Variants in ZC3HAV1 observed in about 807,000 individuals in gnomAD.
The protein encoded by ZC3HAV1 is zinc finger CCCH-type antiviral protein 1.
Under a neutral mutation model 86.6 loss-of-function variants are expected in ZC3HAV1, and 41 were observed. The ratio of observed to expected loss-of-function variants is 0.47; its 90% confidence interval spans 0.37 to 0.61. ZC3HAV1 has a LOEUF of 0.61. Among genes scored for constraint, ZC3HAV1 ranks in the 20% least tolerant of loss-of-function variants. ZC3HAV1 has a pLI of 0.00. For missense variants in ZC3HAV1, 964 were observed against 1,141.1 expected, an observed-to-expected ratio of 0.84 and a Z score of 2.24; for synonymous variants, 421 against 432.1, an observed-to-expected ratio of 0.97 and a Z score of 0.32.
At chr7:139,090,093 G>T (rs2130720062) in intron 1 of ZC3HAV1, among the ~76,000 whole-genome samples, 1 of 151,652 alleles carries the variant, frequency 6.6e-6, no homozygotes, top group East Asian at 1.9e-4. Flanking sequence ...CTAATTTTTT[G>T]TATTTTTAGT....
At chr7:139,090,234 T>C (rs978217543) in intron 1 of ZC3HAV1, among the ~76,000 whole-genome samples, 1 of 152,150 alleles carries the variant, frequency 6.6e-6, no homozygotes. Flanking sequence ...TGTTAACATT[T>C]TAAATATACT....
At chr7:139,058,666 G>C (rs1563125357) in intron 9 of ZC3HAV1, among the ~76,000 whole-genome samples, 1 of 152,200 alleles carries the variant, frequency 6.6e-6, no homozygotes, top group Non-Finnish European at 1.5e-5. Flanking sequence ...GTATGGGAAA[G>C]TGGCATTCCA....
At position 139,055,245 on chromosome 7, in the gene ZC3HAV1, G is replaced by T; in HGVS notation, c.2147C>A (p.Pro716His). The T allele has an allele frequency of 6.2e-7, 1 of 1,613,284 alleles. No individual in the cohort carries two copies. Among genetic ancestry groups the T allele is most frequent in the Non-Finnish European group, 8.5e-7 (1 of 1,179,546 alleles). Residue 716 changes from proline to histidine, a missense_variant, in exon 10 of 13, where the codon CCT becomes CAT. By Grantham distance (77) the Pro-to-His change is moderately conservative. Transcript: ENST00000242351. ...GGATAGGAAGCAAAAGTCCTCCTGAGGACGAAAGGTCGCAGTTAAAGACAC... is the reference window on the plus strand; with the variant it reads ...GGATAGGAAGCAAAAGTCCTCCTGATGACGAAAGGTCGCAGTTAAAGACAC... ...SSVSLTATFR[P>H]QEDFCFLSSK...
intron 7 of ZC3HAV1, among the ~76,000 whole-genome samples, chr7:139,066,856 T>C (rs868093098): frequency 6.6e-6 from 1 of 152,182 alleles, no homozygotes; most frequent in Non-Finnish European, 1.5e-5. Flanking sequence ...ACTCTGTTCC[T>C]GGCTTAAAAG....
At chr7:139,092,847 C>G (rs1007541292) in intron 1 of ZC3HAV1, among the ~76,000 whole-genome samples, 1 of 152,228 alleles carries the variant, frequency 6.6e-6, no homozygotes, top group African/African-American at 2.4e-5. Context: ...ACCCTGAACC[C>G]AGTCTCAACC....
intron 1 of ZC3HAV1, among the ~76,000 whole-genome samples, chr7:139,102,419 T>C (rs972747112): frequency 3.9e-5 from 6 of 152,204 alleles, no homozygotes; most frequent in African/African-American, 7.2e-5. Flanking sequence ...TATTAGCTAC[T>C]GAGGCCAGTC....
chr7:139,106,887 T>A (rs923846929), intron 1 of ZC3HAV1, among the ~76,000 whole-genome samples: 11 of 126,064 alleles, frequency 8.7e-5, no homozygotes, highest in Non-Finnish European at 2.0e-4. Flanking sequence ...ACATGGGGAA[T>A]AGGGAGAATA....
intron 7 of ZC3HAV1, among the ~76,000 whole-genome samples, chr7:139,071,308 G>T (rs1005113265): frequency 6.6e-6 from 1 of 151,842 alleles, no homozygotes; most frequent in African/African-American, 2.4e-5. Context: ...CACCATGTTG[G>T]CCAGGCTGGT....
intron 6 of ZC3HAV1, among the ~76,000 whole-genome samples, chr7:139,075,459 G>GTC (rs1406085272): frequency 6.6e-6 from 1 of 152,122 alleles, no homozygotes; most frequent in Non-Finnish European, 1.5e-5. Flanking sequence ...TTGAGACAGG[G>GTC]TCTCACTCTG....
At position 139,109,014 on chromosome 7, in the gene ZC3HAV1, G is replaced by C. The variant is rs773005704; in HGVS notation, c.308+10C>G. 11 of 1,541,756 alleles carry C rather than the reference G, an allele frequency of 7.1e-6. No individual in the cohort carries two copies. In the South Asian group the frequency reaches 1.3e-4, roughly 19 times the overall value. Reference sequence around the variant, plus strand: ...CTGCGGACAGCGCCCCTCCCTCCGGGTGCACTCACCGCTCGGACTGCGAAT... The same window carrying C: ...CTGCGGACAGCGCCCCTCCCTCCGGCTGCACTCACCGCTCGGACTGCGAAT... On this transcript the variant is annotated intron_variant, in intron 1 of 12. Coordinates refer to ENST00000242351, the MANE Select transcript of ZC3HAV1 (RefSeq NM_020119.4).
chr7:139,080,305 T>G, intron 3 of ZC3HAV1, 62 bp from the exon 4 acceptor site: 1 of 1,589,048 alleles, frequency 6.3e-7, no homozygotes. Flanking sequence ...TGTGACTGAG[T>G]TCCTACCACC....
chr7:139,075,732 G>A (rs566716492), intron 6 of ZC3HAV1, among the ~76,000 whole-genome samples: 8 of 147,560 alleles, frequency 5.4e-5, no homozygotes, highest in African/African-American at 1.2e-4. Context: ...GAGCAACCAC[G>A]CTCGGCCAGA....
In ZC3HAV1 at chr7:139,064,897, A is replaced by G; in HGVS notation, c.1975T>C (p.Tyr659His). The G allele has an allele frequency of 6.2e-7, 1 of 1,614,212 alleles. No homozygotes were observed. The highest frequency in any genetic ancestry group is 8.5e-7 in the Non-Finnish European group (1 of 1,180,028). Residue 659 changes from tyrosine to histidine, a missense_variant, in exon 8 of 13, where the codon TAT (tyrosine) becomes CAT (histidine). Transcript: ENST00000242351. Reference sequence around the variant, plus strand: ...AACCCACCTTGGAAACTCAGCTCATAGTTCCGTGAGCCCGCCTGAAATGGC... The same window carrying G: ...AACCCACCTTGGAAACTCAGCTCATGGTTCCGTGAGCCCGCCTGAAATGGC... ...VVPFQAGSRN[Y>H]ELSFQGMIQT... is the part of the protein sequence containing the mutation.
intron 2 of ZC3HAV1, among the ~76,000 whole-genome samples, chr7:139,089,101 CAAAAAAAAAAAAAAAA>C (rs1195760878): frequency 4.8e-5 from 1 of 20,684 alleles, no homozygotes; most frequent in Non-Finnish European, 9.2e-5. Context: ...GACTCCATCT[CAAAAAAAAAAAAAAAA>C]AAAAAAAAAA....
intron 9 of ZC3HAV1, among the ~76,000 whole-genome samples, chr7:139,056,894 G>T (rs1816300915): frequency 6.6e-6 from 1 of 152,102 alleles, no homozygotes; most frequent in African/African-American, 2.4e-5. Flanking sequence ...AACGTGAACT[G>T]GGTATTAGAT....
intron 4 of ZC3HAV1, chr7:139,079,181 G>GC: frequency 6.5e-7 from 1 of 1,536,184 alleles, no homozygotes; most frequent in Non-Finnish European, 8.7e-7. Flanking sequence ...CTGCCCTTGG[G>GC]CCCCCCAGAC....
rs554909300 is a variant in ZC3HAV1 at position 139,101,307 on chromosome 7, G to C, written c.308+7717C>G. Among the ~76,000 whole-genome samples the C allele has an allele frequency of 2.6e-4, 38 of 145,616 alleles. No homozygotes were observed. The East Asian group carries it at 6.3e-3, about 24-fold the overall frequency. On this transcript the variant is annotated intron_variant, in intron 1 of 12. Transcript: ENST00000242351. ...GAGCGTCTCTGCCTGGCCGCCCATC[G>C]TCTGGGATGTGAGCAGCCCCTCTGC...
At chr7:139,081,536 A>T (rs1471366244) in intron 3 of ZC3HAV1, among the ~76,000 whole-genome samples, 1 of 152,202 alleles carries the variant, frequency 6.6e-6, no homozygotes, top group African/African-American at 2.4e-5. Flanking sequence ...AGAGAGAAAA[A>T]GCATTAGATA....
chr7:139,058,820 G>A (rs1816364567), intron 9 of ZC3HAV1, among the ~76,000 whole-genome samples: 1 of 152,110 alleles, frequency 6.6e-6, no homozygotes, highest in African/African-American at 2.4e-5. Flanking sequence ...GGAGCTATCT[G>A]GAAATGCCAC....
Sources: gnomAD v4.1 joint callset for allele counts (sites outside exome capture counted in the v4.1 genomes callset) on GRCh38, gnomAD v4.1.1 for gene constraint, MANE v1.5 for transcripts, NCBI Gene and HGNC (gene_info 2026-07-23, HGNC 2026-07-21) for gene names.